CLK2: variants seen among roughly 807,000 people sequenced by gnomAD.
The protein encoded by CLK2 is CDC like kinase 2.
Under a neutral mutation model 73.5 loss-of-function variants are expected in CLK2, and 12 were observed. The observed-to-expected ratio is 0.16, with a 90% CI of 0.10 to 0.26. The LOEUF (loss-of-function observed/expected upper bound fraction) is 0.26, where lower values mean the gene tolerates loss of function less well. Ranked by LOEUF, CLK2 falls within the 10% of genes least tolerant of loss-of-function variation. CLK2 has a pLI of 1.00. For synonymous variants in CLK2, 232 were observed against 237.9 expected, an observed-to-expected ratio of 0.98 and a Z score of 0.23; for missense variants, 509 against 688.4, an observed-to-expected ratio of 0.74 and a Z score of 2.92.
rs138254335 is a variant in CLK2 at position 155,263,972 on chromosome 1, C to T, written c.1295G>A (p.Arg432His). Reference sequence around the variant, plus strand: ...CACCCGCAGCGGTTTGCAGTTCTCACGAACATAGCGCCCAGCTGATGTGTT... The same window carrying T: ...CACCCGCAGCGGTTTGCAGTTCTCATGAACATAGCGCCCAGCTGATGTGTT... ...DENTSAGRYV[R>H]ENCKPLRRYL... Residue 432 changes from arginine to histidine, a missense_variant, in exon 12 of 13, where the codon CGT becomes CAT. Arg to His is a conservative substitution (Grantham distance 29). Coordinates refer to ENST00000368361, the MANE Select transcript of CLK2 (RefSeq NM_001294338.2). The T allele has an allele frequency of 2.5e-4, 404 of 1,614,118 alleles. 1 individual carries two copies. The African/African-American group carries it at 2.8e-3, about 11-fold the overall frequency.
rs1327362307 is a variant in CLK2 at position 155,268,633 on chromosome 1, C to T, written c.487+75G>A. On this transcript the variant is annotated intron_variant, in intron 4 of 12. Transcript: ENST00000368361. The surrounding 1 kb of genome is among the most constrained non-coding windows in gnomAD (Gnocchi z 5.6). ...ACTGAGAAAAGGCAAGAGGCTGTGA[C>T]TCAGGTTGGCTTGGGACGTTAGGAT... The T allele has an allele frequency of 2.9e-6, 4 of 1,360,652 alleles. No individual in the cohort carries two copies. Among genetic ancestry groups the T allele is most frequent in the Non-Finnish European group, 4.2e-6 (4 of 949,802 alleles). The allele number at this position is 1,360,652 out of a possible 1,614,324, so 84.3% of individuals were successfully genotyped here. A position where few individuals can be genotyped will look rare whatever the true frequency, so the allele number is the denominator to read the frequency against.
chr1:155,265,994 C>T (rs1673213828), intron 7 of CLK2, 40 bp from the exon 8 acceptor site: 1 of 1,391,208 alleles, frequency 7.2e-7, no homozygotes, highest in Admixed American at 1.7e-5. Flanking sequence ...GTGCAGGTGG[C>T]CAGAGCTAAC....
In CLK2 at chr1:155,269,703, G is replaced by A. The variant is rs146292560; in HGVS notation, c.184C>T (p.Arg62Cys). 1.2e-5 allele frequency: 19 copies of A among 1,614,116 alleles called. No individual in the cohort carries two copies. Among genetic ancestry groups the A allele is most frequent in the Admixed American group, 6.7e-5 (4 of 60,028 alleles). ...HVRSRSSYDD[R>C]SSDRRVYDRR... ...TCATACACCCTCCGGTCGGACGAAC[G>A]ATCATCATAACTGCTGTTGGATAAC... The change falls in exon 3 of 13, where the codon CGT (arginine) becomes TGT (cysteine). Residue 62 changes from arginine to cysteine, a missense_variant. Coordinates refer to ENST00000368361, the MANE Select transcript of CLK2 (RefSeq NM_001294338.2).
intron 2 of CLK2, among the ~76,000 whole-genome samples, 181 bp from the exon 3 acceptor site, chr1:155,269,897 A>C (rs1472053879): frequency 6.6e-6 from 1 of 152,198 alleles, no homozygotes; most frequent in African/African-American, 2.4e-5. Context: ...CACATCTGCC[A>C]TGTCACCAAA....
intron 7 of CLK2, among the ~76,000 whole-genome samples, 166 bp from the exon 8 acceptor site, chr1:155,266,120 G>GATA (rs1673220663): frequency 3.3e-5 from 5 of 151,906 alleles, no homozygotes; most frequent in African/African-American, 1.2e-4. Context: ...GGTCTAAGAA[G>GATA]CTCTGCTCTT....
intron 7 of CLK2, among the ~76,000 whole-genome samples, chr1:155,266,512 A>G (rs1183462293): frequency 6.6e-6 from 1 of 152,260 alleles, no homozygotes; most frequent in East Asian, 1.9e-4. Flanking sequence ...TTTCTCTTCT[A>G]GCTGCTGCTA....
Position 155,269,506 on chromosome 1 carries a change from T to A in CLK2, c.381A>T (p.Thr127=). 6.2e-7 allele frequency: 1 copy of A among 1,613,914 alleles called. No homozygotes were observed. Among genetic ancestry groups the A allele is most frequent in the Non-Finnish European group, 8.5e-7 (1 of 1,180,022 alleles). The change falls in exon 3 of 13, where the codon ACA becomes ACT. Residue 127 remains threonine, a synonymous_variant. Transcript: ENST00000368361. ...KHRRRRRRSR[T]FSRSSSQHSS... ...CACTCACCGAAGATGAGCGGCTAAATGTCCGGCTGCGCCTCCTCCGCCGTC... is the reference window on the plus strand; with the variant it reads ...CACTCACCGAAGATGAGCGGCTAAAAGTCCGGCTGCGCCTCCTCCGCCGTC...
Position 155,268,337 on chromosome 1 carries a change from T to A in CLK2, c.510A>T (p.Gly170=). The change falls in exon 5 of 13, where the codon GGA becomes GGT. Residue 170 remains glycine (G), a synonymous_variant. Coordinates refer to ENST00000368361, the MANE Select transcript of CLK2 (RefSeq NM_001294338.2). This position sits in a 1 kb window ranked among gnomAD's most constrained non-coding sequence, Gnocchi z 5.6. ...QERYEIVSTL[G]EGTFGRVVQC... Reference sequence around the variant, plus strand: ...GTACAACTCGGCCGAAGGTCCCCTCTCCTAAGGTGCTAACGATTTCATCTG... The same window carrying A: ...GTACAACTCGGCCGAAGGTCCCCTCACCTAAGGTGCTAACGATTTCATCTG... 6.2e-7 allele frequency: 1 copy of A among 1,614,030 alleles called. No individual in the cohort carries two copies. Among genetic ancestry groups the A allele is most frequent in the Non-Finnish European group, 8.5e-7 (1 of 1,179,978 alleles).
Position 155,268,020 on chromosome 1 carries a change from C to T in CLK2, c.661G>A (p.Asp221Asn), listed in dbSNP as rs961903526. The T allele has an allele frequency of 1.4e-5, 23 of 1,612,330 alleles. No individual in the cohort carries two copies. The highest frequency in any genetic ancestry group is 1.9e-5 in the Non-Finnish European group (22 of 1,178,558). The change falls in exon 6 of 13, where the codon GAC becomes AAC. Residue 221 changes from aspartate to asparagine, a missense_variant. Asp to Asn is a conservative substitution (Grantham distance 23, BLOSUM62 1). This residue lies in a region of CLK2 where 76 missense variants were observed against 126.4 expected (regional missense o/e 0.60). Transcript: ENST00000368361. The surrounding 1 kb of genome is among the most constrained non-coding windows in gnomAD (Gnocchi z 5.6). ...VLEKINEKDP[D>N]NKNLCVQMFD... ...TCCTTGCTTGCTTACTTCTTGTTGT[C>T]AGGGTCTTTCTCATTGATTTTCTCT...
rs148072571 is a variant in CLK2 at position 155,268,979 on chromosome 1, C to G, written c.400-184G>C. The G allele has an allele frequency of 6.5e-6, 4 of 617,904 alleles. No homozygotes were observed. The highest frequency in any genetic ancestry group is 1.2e-5 in the Non-Finnish European group (4 of 343,872). 38.3% of individuals were successfully genotyped at this position (617,904 alleles called of 1,614,324 possible). On this transcript the variant is annotated intron_variant, in intron 3 of 12. Coordinates refer to ENST00000368361, the MANE Select transcript of CLK2 (RefSeq NM_001294338.2). This position sits in a 1 kb window ranked among gnomAD's most constrained non-coding sequence, Gnocchi z 5.6. ...GGTGGATCGGTGTGAGAAGAGAGAG[C>G]GGCGCATAATCCCAAGTCCCCAAAC... is the stretch of plus-strand genomic sequence containing the variant.
rs1158415401 is a variant in CLK2 at position 155,263,231 on chromosome 1, T to C, written c.1487A>G (p.Asp496Gly). 1.2e-6 allele frequency: 2 copies of C among 1,613,466 alleles called. No individual in the cohort carries two copies. Among genetic ancestry groups the C allele is most frequent in the Non-Finnish European group, 1.7e-6 (2 of 1,179,894 alleles). ...PPNKLWDSSR[D>G]ISR The stretch of plus-strand genomic sequence containing the variant: ...AGGGCCTGATCGTCACCGACTGATA[T>C]CCCGACTGGAGTCCCACAACTTGTT... Residue 496 changes from aspartate to glycine, a missense_variant, in exon 13 of 13, where the codon GAT becomes GGT. Around this residue, in one of 6 missense-constraint regions of CLK2, gnomAD observed 134 missense variants for 146.0 expected, o/e 0.92. Coordinates refer to ENST00000368361, the MANE Select transcript of CLK2 (RefSeq NM_001294338.2).
chr1:155,268,618 G>C lies in CLK2; in HGVS notation c.487+90C>G, dbSNP rs1225272860. The C allele has an allele frequency of 3.3e-6, 4 of 1,226,024 alleles. No homozygotes were observed. The highest frequency in any genetic ancestry group is 4.8e-6 in the Non-Finnish European group (4 of 829,086). The allele number at this position is 1,226,024 out of a possible 1,614,324, so 75.9% of individuals were successfully genotyped here. A position where few individuals can be genotyped will look rare whatever the true frequency, so the allele number is the denominator to read the frequency against. ...CAGATAAACAACACCACTGAGAAAA[G>C]GCAAGAGGCTGTGACTCAGGTTGGC... On this transcript the variant is annotated intron_variant, in intron 4 of 12. Transcript: ENST00000368361. This position sits in a 1 kb window ranked among gnomAD's most constrained non-coding sequence, Gnocchi z 5.6.
At chr1:155,270,774 C>T in intron 2 of CLK2, 34 bp downstream of exon 2, 1 of 1,587,226 alleles carries the variant, frequency 6.3e-7, no homozygotes, top group Non-Finnish European at 8.6e-7. Context: ...GAGCGAGTGA[C>T]CCTGTGTTTG....
At chr1:155,269,772 T>C in intron 2 of CLK2, 56 bp from the exon 3 acceptor site, 3 of 1,484,376 alleles carry the variant, frequency 2.0e-6, no homozygotes, top group Admixed American at 1.7e-5. Context: ...TTCCCTACCA[T>C]ACCCTGTGAC....
chr1:155,270,996 C>A lies in CLK2; in HGVS notation c.1-19G>T, dbSNP rs368560173. 1 of 1,598,856 alleles carries A rather than the reference C, an allele frequency of 6.3e-7. No homozygotes were observed. On this transcript the variant is annotated intron_variant, in intron 1 of 12. Transcript: ENST00000368361. ...GCGGCATCTGGAAGGCAAGGGAAAGCGGAAATAGGAAAGTTTCGAGTTTTC... is the reference window on the plus strand; with the variant it reads ...GCGGCATCTGGAAGGCAAGGGAAAGAGGAAATAGGAAAGTTTCGAGTTTTC...
intron 1 of CLK2, among the ~76,000 whole-genome samples, chr1:155,271,513 C>T (rs1430824844): frequency 2.6e-5 from 4 of 152,138 alleles, no homozygotes; most frequent in Non-Finnish European, 4.4e-5. Flanking sequence ...CGTGAGCCAC[C>T]GCACCCAGCC....
At chr1:155,266,917 G>C (rs1250604374) in intron 6 of CLK2, 22 bp from the exon 7 acceptor site, 1 of 1,611,436 alleles carries the variant, frequency 6.2e-7, no homozygotes, top group Admixed American at 1.7e-5. Flanking sequence ...GATGGGGGAA[G>C]GGGGGTTGTC....
chr1:155,268,953 A>C lies in CLK2; in HGVS notation c.400-158T>G. On this transcript the variant is annotated intron_variant, in intron 3 of 12. Transcript: ENST00000368361. This position sits in a 1 kb window ranked among gnomAD's most constrained non-coding sequence, Gnocchi z 5.6. Reference sequence around the variant, plus strand: ...GGAAGGGAACACGTCAGATGCAGTAAGGTGGATCGGTGTGAGAAGAGAGAG... The same window carrying C: ...GGAAGGGAACACGTCAGATGCAGTACGGTGGATCGGTGTGAGAAGAGAGAG... 1 of 640,324 alleles carries C rather than the reference A, an allele frequency of 1.6e-6. No individual in the cohort carries two copies. Among genetic ancestry groups the C allele is most frequent in the Non-Finnish European group, 2.8e-6 (1 of 354,396 alleles). 39.7% of individuals were successfully genotyped at this position (640,324 alleles called of 1,614,324 possible). A position where few individuals can be genotyped will look rare whatever the true frequency, so the allele number is the denominator to read the frequency against.
chr1:155,265,965 G>C lies in CLK2; in HGVS notation c.839-11C>G, dbSNP rs768657601. 6.3e-7 allele frequency: 1 copy of C among 1,592,824 alleles called. No homozygotes were observed. Among genetic ancestry groups the C allele is most frequent in the Admixed American group, 1.7e-5 (1 of 59,992 alleles). On this transcript the variant is annotated splice_polypyrimidine_tract_variant and intron_variant, in intron 7 of 12. Transcript: ENST00000368361. ...TGTTATCATGGAGGACTGTAGGGGA[G>C]AAGGCCAGGTCAGGCTTGGTGCAGG...
Sources: allele counts gnomAD v4.1 joint callset (sites outside exome capture counted in the v4.1 genomes callset), GRCh38; gene constraint gnomAD v4.1.1; regional missense constraint gnomAD v4.1.1; non-coding constraint Gnocchi (gnomAD v3.1); transcripts MANE v1.5; gene names NCBI Gene and HGNC (gene_info 2026-07-23, HGNC 2026-07-21).